The following CNTNAP2 variants were observed in gnomAD, a reference collection of about 807,000 sequenced individuals.
CNTNAP2 encodes the protein contactin-associated protein-like 2.
A neutral mutation model predicts 155.2 loss-of-function variants in CNTNAP2; 98 were observed. The ratio of observed to expected loss-of-function variants is 0.63; its 90% CI spans 0.54 to 0.75. The LOEUF (loss-of-function observed/expected upper bound fraction) is 0.75. CNTNAP2 is among the 30% of genes least tolerant of loss of function. The pLI is 0.00. For synonymous variants in CNTNAP2, 651 were observed against 631.2 expected (o/e 1.03, Z -0.47); for missense variants, 1,727 against 1,688.1 (o/e 1.02, Z -0.40).
intron 18 of CNTNAP2, among the ~76,000 whole-genome samples, chr7:148,208,386 G>C (rs981692623): frequency 1.3e-5 from 2 of 152,200 alleles, no homozygotes; most frequent in Non-Finnish European, 2.9e-5. Context: ...TTTCCCTACA[G>C]AAAGTTGCAG....
chr7:146,960,952 C>G (rs1429530170), intron 3 of CNTNAP2, among the ~76,000 whole-genome samples: 1 of 152,196 alleles, frequency 6.6e-6, no homozygotes, highest in Non-Finnish European at 1.5e-5. Context: ...CTTTGCTACT[C>G]CTTTTGAATT....
intron 13 of CNTNAP2, among the ~76,000 whole-genome samples, chr7:147,856,173 A>G (rs1430500651): frequency 6.6e-6 from 1 of 152,100 alleles, no homozygotes; most frequent in Non-Finnish European, 1.5e-5. Context: ...CCTGGAGCCC[A>G]TATAGGGTTT....
chr7:146,723,293 G>T (rs576695416), intron 1 of CNTNAP2, among the ~76,000 whole-genome samples: 22 of 152,084 alleles, frequency 1.4e-4, no homozygotes, highest in Admixed American at 7.2e-4. Context: ...GCTAGAAGGG[G>T]ACAGGAAGGA....
intron 11 of CNTNAP2, among the ~76,000 whole-genome samples, chr7:147,530,677 T>A (rs1456084469): frequency 6.6e-6 from 1 of 152,118 alleles, no homozygotes; most frequent in African/African-American, 2.4e-5. Context: ...ACAATTCAAG[T>A]TGAGATTTGG....
intron 2 of CNTNAP2, among the ~76,000 whole-genome samples, chr7:146,775,092 C>T (rs1454999972): frequency 6.6e-6 from 1 of 152,112 alleles, no homozygotes; most frequent in East Asian, 1.9e-4. Flanking sequence ...AAATATGAAT[C>T]AACAAACAGA....
At chr7:147,397,723 AAAG>A (rs1389219800) in intron 10 of CNTNAP2, among the ~76,000 whole-genome samples, 1 of 152,018 alleles carries the variant, frequency 6.6e-6, no homozygotes, top group Admixed American at 6.6e-5. Flanking sequence ...AAGGTATAGA[AAAG>A]AAAATACAAG....
chr7:146,640,027 C>T (rs1158850519), intron 1 of CNTNAP2, among the ~76,000 whole-genome samples: 1 of 152,192 alleles, frequency 6.6e-6, no homozygotes, highest in African/African-American at 2.4e-5. Flanking sequence ...CTTCCTGGTC[C>T]TCCTTAAGTT....
intron 1 of CNTNAP2, among the ~76,000 whole-genome samples, chr7:146,126,939 T>A (rs1335075288): frequency 6.6e-6 from 1 of 152,196 alleles, no homozygotes; most frequent in Non-Finnish European, 1.5e-5. Context: ...AGTAGCCTCC[T>A]GGTATGTCTC....
chr7:147,608,137 G>A (rs906098875), intron 12 of CNTNAP2, among the ~76,000 whole-genome samples: 4 of 151,198 alleles, frequency 2.6e-5, no homozygotes, highest in East Asian at 2.0e-4. Flanking sequence ...CCATGCTCAC[G>A]ACTCTGCTTG....
intron 13 of CNTNAP2, among the ~76,000 whole-genome samples, chr7:147,879,874 T>C (rs1033333619): frequency 6.6e-6 from 1 of 152,116 alleles, no homozygotes; most frequent in African/African-American, 2.4e-5. Flanking sequence ...GGTGGATTTT[T>C]CCCCATTACT....
At chr7:147,273,074 C>T (rs1342132448) in intron 8 of CNTNAP2, among the ~76,000 whole-genome samples, 1 of 151,986 alleles carries the variant, frequency 6.6e-6, no homozygotes, top group Non-Finnish European at 1.5e-5. Flanking sequence ...GCGGGGTTTC[C>T]ACTGCTGCTT....
intron 1 of CNTNAP2, among the ~76,000 whole-genome samples, chr7:146,771,621 A>G (rs1047210047): frequency 1.3e-5 from 2 of 152,192 alleles, no homozygotes; most frequent in Non-Finnish European, 2.9e-5. Flanking sequence ...CACACATGCC[A>G]TATTTCACAG....
At chr7:147,025,830 A>G (rs1454418046) in intron 3 of CNTNAP2, among the ~76,000 whole-genome samples, 1 of 150,548 alleles carries the variant, frequency 6.6e-6, no homozygotes, top group African/African-American at 2.5e-5. Context: ...TGCTTGTTTG[A>G]CATACAGGTG....
intron 1 of CNTNAP2, among the ~76,000 whole-genome samples, chr7:146,136,709 A>G (rs1395154962): frequency 2.0e-5 from 3 of 152,028 alleles, no homozygotes; most frequent in Admixed American, 6.6e-5. Flanking sequence ...TAATGTCCCC[A>G]TGCACTAGTT....
chr7:146,120,265 C>G (rs542278977), intron 1 of CNTNAP2, among the ~76,000 whole-genome samples: 1 of 151,960 alleles, frequency 6.6e-6, no homozygotes, highest in Non-Finnish European at 1.5e-5. Flanking sequence ...TTAATGAAAA[C>G]AATTTAAACT....
At chr7:147,169,721 C>A (rs912668216) in intron 8 of CNTNAP2, among the ~76,000 whole-genome samples, 1 of 152,110 alleles carries the variant, frequency 6.6e-6, no homozygotes, top group African/African-American at 2.4e-5. Flanking sequence ...TCTGCCAAGA[C>A]TGAACCAGGA....
intron 11 of CNTNAP2, among the ~76,000 whole-genome samples, chr7:147,488,215 A>G (rs1392084014): frequency 6.6e-6 from 1 of 152,228 alleles, no homozygotes; most frequent in Non-Finnish European, 1.5e-5. Flanking sequence ...TTTGACACAG[A>G]ATGAACAATT....
intron 13 of CNTNAP2, among the ~76,000 whole-genome samples, chr7:147,682,524 A>C (rs987452916): frequency 6.6e-6 from 1 of 151,940 alleles, no homozygotes; most frequent in Non-Finnish European, 1.5e-5. Context: ...CTTAGTTTGA[A>C]AGTACTTTGT....
intron 1 of CNTNAP2, among the ~76,000 whole-genome samples, chr7:146,610,247 C>T (rs1033935487): frequency 1.3e-5 from 2 of 152,068 alleles, no homozygotes; most frequent in Non-Finnish European, 2.9e-5. Context: ...CTCGTGTAGT[C>T]GTCTCCTAGG....
Sources: allele counts gnomAD v4.1 joint callset (sites outside exome capture counted in the v4.1 genomes callset), GRCh38; gene constraint gnomAD v4.1.1; transcripts MANE v1.5; gene names NCBI Gene and HGNC (gene_info 2026-07-23, HGNC 2026-07-21).